Variants in SLC27A6 observed in about 807,000 individuals in gnomAD.
The protein encoded by SLC27A6 is long-chain fatty acid transport protein 6.
SLC27A6 carries 74 observed loss-of-function variants against 63.9 expected under a neutral mutation model. That is an observed-to-expected ratio of 1.16 (90% CI 0.96 to 1.40). The LOEUF is 1.40. Among genes scored for constraint, SLC27A6 ranks in the 40% most tolerant of loss-of-function variants. SLC27A6 has a pLI of 0.00. For synonymous variants in SLC27A6, 287 were observed against 260.8 expected (o/e 1.10, Z -0.97); for missense variants, 794 against 732.9 (o/e 1.08, Z -0.96).
intron 1 of SLC27A6, among the ~76,000 whole-genome samples, chr5:128,978,617 A>T (rs1345409601): frequency 6.6e-6 from 1 of 152,294 alleles, no homozygotes; most frequent in East Asian, 1.9e-4. Context: ...GTGGCCTATG[A>T]AACCTGTTTG....
In SLC27A6 at chr5:129,028,451, A is replaced by C. The variant is rs899657692; in HGVS notation, c.1552+9A>C. ...TGGTGTGGCTATATCAGGTATAAAT[A>C]TATTTCAGATTTTGGAAAGATTCTT... On this transcript the variant is annotated intron_variant, in intron 8 of 9. Transcript: ENST00000262462. 1.7e-5 allele frequency: 26 copies of C among 1,506,114 alleles called. No individual in the cohort carries two copies. Among genetic ancestry groups the C allele is most frequent in the Non-Finnish European group, 2.1e-5 (23 of 1,092,630 alleles). 93.3% of individuals were successfully genotyped at this position (1,506,114 alleles called of 1,614,324 possible).
chr5:129,024,949 T>C (rs535330741), intron 6 of SLC27A6, among the ~76,000 whole-genome samples: 2 of 152,294 alleles, frequency 1.3e-5, no homozygotes, highest in East Asian at 3.9e-4. Flanking sequence ...CTGGCATTTA[T>C]CAAATATGTT....
At chr5:129,030,687 C>A (rs935989074) in intron 9 of SLC27A6, among the ~76,000 whole-genome samples, 1 of 151,858 alleles carries the variant, frequency 6.6e-6, no homozygotes, top group Admixed American at 6.6e-5. Context: ...TAGATTGACA[C>A]GCACTTATAA....
chr5:129,004,753 G>A (rs1431278166), intron 4 of SLC27A6, among the ~76,000 whole-genome samples: 1 of 152,106 alleles, frequency 6.6e-6, no homozygotes. Context: ...CTTAGGTGAC[G>A]TACCACTAAT....
At chr5:129,000,128 T>C (rs879542142) in intron 4 of SLC27A6, among the ~76,000 whole-genome samples, 8 of 152,124 alleles carry the variant, frequency 5.3e-5, no homozygotes, top group Non-Finnish European at 1.2e-4. Context: ...AGGATAGTGG[T>C]GCGGTGTGAA....
chr5:128,990,377 C>A lies in SLC27A6; in HGVS notation c.882C>A (p.Ser294Arg), dbSNP rs1314626024. The A allele has an allele frequency of 6.2e-7, 1 of 1,613,664 alleles. No individual in the cohort carries two copies. The highest frequency in any genetic ancestry group is 8.5e-7 in the Non-Finnish European group (1 of 1,179,882). ...TGTTAAAGAAGAAATTTTCAGCAAGCCAGTTTTGGAGTGACTGCAAGAAGT... is the reference window on the plus strand; with the variant it reads ...TGTTAAAGAAGAAATTTTCAGCAAGACAGTTTTGGAGTGACTGCAAGAAGT... ...TCVLKKKFSASQFWSDCKKYD... is the reference protein window; with the variant it reads ...TCVLKKKFSARQFWSDCKKYD... Residue 294 changes from serine (S) to arginine (R), a missense_variant, in exon 4 of 10, where the codon AGC becomes AGA. Transcript: ENST00000262462.
At chr5:129,019,933 A>G (rs1185118254) in intron 5 of SLC27A6, among the ~76,000 whole-genome samples, 1 of 152,114 alleles carries the variant, frequency 6.6e-6, no homozygotes, top group East Asian at 1.9e-4. Context: ...ATAGAGGAAA[A>G]TTTCCTTAAG....
chr5:129,029,425 C>T (rs1752345557), intron 8 of SLC27A6, 152 bp from the exon 9 acceptor site: 2 of 548,212 alleles, frequency 3.6e-6, no homozygotes, highest in Non-Finnish European at 6.3e-6. Flanking sequence ...ATCATATGTT[C>T]AGGGAAGGAT....
chr5:128,999,354 C>T (rs566693400), intron 4 of SLC27A6, among the ~76,000 whole-genome samples: 1 of 152,214 alleles, frequency 6.6e-6, no homozygotes, highest in Non-Finnish European at 1.5e-5. Flanking sequence ...TTTATGGCTT[C>T]AAAGTCTCTT....
At chr5:128,967,830 T>C (rs928001728) in intron 1 of SLC27A6, among the ~76,000 whole-genome samples, 2 of 152,196 alleles carry the variant, frequency 1.3e-5, no homozygotes, top group African/African-American at 4.8e-5. Flanking sequence ...GTTATGTATG[T>C]ATACATGTGC....
At chr5:129,018,245 T>C in intron 5 of SLC27A6, among the ~76,000 whole-genome samples, 1 of 152,100 alleles carries the variant, frequency 6.6e-6, no homozygotes, top group South Asian at 2.1e-4. Context: ...ACTGCTTTAG[T>C]TTTTTAGGTG....
chr5:129,008,048 T>C (rs1027460196), intron 4 of SLC27A6, among the ~76,000 whole-genome samples: 1 of 152,022 alleles, frequency 6.6e-6, no homozygotes, highest in African/African-American at 2.4e-5. Flanking sequence ...ATTTATATAG[T>C]GAGATTATAT....
At chr5:129,028,472 T>G in intron 8 of SLC27A6, 30 bp downstream of exon 8, 1 of 1,342,412 alleles carries the variant, frequency 7.4e-7, no homozygotes, top group South Asian at 1.3e-5. Flanking sequence ...TTTGGAAAGA[T>G]TCTTAGAATA....
In SLC27A6 at chr5:128,971,517, C is replaced by T. The variant is rs151015187; in HGVS notation, c.481+4899C>T. Among the ~76,000 whole-genome samples the T allele has an allele frequency of 8.3e-3, 1,167 of 140,868 alleles. 18 individuals carry two copies. The highest frequency in any genetic ancestry group is 0.027 in the African/African-American group (1,094 of 40,112). The allele number at this position is 140,868 out of a possible 152,430, so 92.4% of individuals were successfully genotyped here. A position where few individuals can be genotyped will look rare whatever the true frequency, so the allele number is the denominator to read the frequency against. ...GATCCCTTTACCATTATGTAAGGGC[C>T]TTCTTTGTCTCTTGATCTTTGTTGG... On this transcript the variant is annotated intron_variant, in intron 1 of 9. Coordinates refer to ENST00000262462, the MANE Select transcript of SLC27A6 (RefSeq NM_001017372.3).
At chr5:128,990,491 A>G (rs765844375) in intron 4 of SLC27A6, 27 bp downstream of exon 4, 2 of 1,585,446 alleles carry the variant, frequency 1.3e-6, no homozygotes, top group Non-Finnish European at 1.7e-6. Context: ...TCAGAAAAAA[A>G]TATGTCAGAA....
At chr5:128,999,515 C>T (rs574002951) in intron 4 of SLC27A6, among the ~76,000 whole-genome samples, 50 of 152,224 alleles carry the variant, frequency 3.3e-4, no homozygotes, top group African/African-American at 1.2e-3. Context: ...ATTGGTGTCT[C>T]CAATCCTGTC....
At chr5:129,031,481 G>C (rs902061703) in intron 9 of SLC27A6, among the ~76,000 whole-genome samples, 7 of 151,838 alleles carry the variant, frequency 4.6e-5, no homozygotes, top group Non-Finnish European at 1.5e-5. Context: ...ACCATAAATT[G>C]TTATAACCTC....
Position 129,010,419 on chromosome 5 carries a change from G to A in SLC27A6, c.970-5466G>A, listed in dbSNP as rs576034456. The stretch of plus-strand genomic sequence containing the variant: ...AAGGGATTTTGCAGATGTGATTACA[G>A]TTACAGAGCTTAAAATAGGAAGATT... On this transcript the variant is annotated intron_variant, in intron 4 of 9. Coordinates refer to ENST00000262462, the MANE Select transcript of SLC27A6 (RefSeq NM_001017372.3). 2.0e-5 allele frequency among the ~76,000 whole-genome samples: 3 copies of A among 152,320 alleles called. No individual in the cohort carries two copies. The South Asian group carries it at 6.2e-4, about 32-fold the overall frequency.
intron 5 of SLC27A6, among the ~76,000 whole-genome samples, chr5:129,022,975 C>G (rs937765938): frequency 6.6e-6 from 1 of 152,004 alleles, no homozygotes; most frequent in African/African-American, 2.4e-5. Flanking sequence ...GAGGAGACAT[C>G]CAATTTTTGG....
Sources: gnomAD v4.1 joint callset for allele counts (sites outside exome capture counted in the v4.1 genomes callset) on GRCh38, gnomAD v4.1.1 for gene constraint, MANE v1.5 for transcripts, NCBI Gene and HGNC (gene_info 2026-07-23, HGNC 2026-07-21) for gene names.